TNC: variants seen among roughly 807,000 people sequenced by gnomAD.
TNC encodes tenascin C.
A neutral mutation model predicts 202.4 loss-of-function variants in TNC; 109 were observed. That is an observed-to-expected ratio of 0.54 (90% CI 0.46 to 0.63). The LOEUF is 0.63. Ranked by LOEUF, TNC falls within the 30% of genes least tolerant of loss-of-function variation. TNC has a pLI of 0.00. For missense variants in TNC, 2,756 were observed against 2,833.3 expected (o/e 0.97, Z 0.62); for synonymous variants, 1,007 against 1,089.7 (o/e 0.92, Z 1.50).
intron 22 of TNC, among the ~76,000 whole-genome samples, chr9:115,032,434 G>A (rs1830020031): frequency 1.3e-5 from 2 of 152,206 alleles, no homozygotes; most frequent in African/African-American, 4.8e-5. Flanking sequence ...CATAAACCAA[G>A]CTGTGCTTTA....
chr9:115,066,195 C>T (rs548533659), intron 10 of TNC, among the ~76,000 whole-genome samples: 6 of 152,216 alleles, frequency 3.9e-5, no homozygotes, highest in East Asian at 1.9e-4. Flanking sequence ...TCATTCATCT[C>T]GCGAATGCAC....
At chr9:115,107,444 T>C (rs924546582) in intron 1 of TNC, among the ~76,000 whole-genome samples, 3 of 152,188 alleles carry the variant, frequency 2.0e-5, no homozygotes, top group Non-Finnish European at 2.9e-5. Context: ...TAAATACAGA[T>C]TGAATTGAAC....
chr9:115,085,777 T>TTA (rs760805553), intron 3 of TNC, 87 bp downstream of exon 3: 130 of 1,221,844 alleles, frequency 1.1e-4, no homozygotes, highest in Non-Finnish European at 1.4e-4. Flanking sequence ...GCATGAATGT[T>TTA]TATATATATA....
In TNC at chr9:115,104,699, T is replaced by C. The variant is rs184915490; in HGVS notation, c.-137+13283A>G. ...TAGTATATCTTCTCCTCTTCTTTCC[T>C]TTTCCTGTCTCCCTTTATGAGAGAG... On this transcript the variant is annotated intron_variant, in intron 1 of 27. Coordinates refer to ENST00000350763, the MANE Select transcript of TNC (RefSeq NM_002160.4). 3.8e-3 allele frequency among the ~76,000 whole-genome samples: 583 copies of C among 152,342 alleles called. 2 individuals carry two copies. The highest frequency in any genetic ancestry group is 0.013 in the African/African-American group (557 of 41,584).
chr9:115,069,330 G>T (rs1833182275), intron 10 of TNC, among the ~76,000 whole-genome samples: 1 of 152,064 alleles, frequency 6.6e-6, no homozygotes, highest in Non-Finnish European at 1.5e-5. Flanking sequence ...CTTATGGCAT[G>T]CAGCAAATTC....
chr9:115,028,924 GAAAAAAAAAAAAAAAAAA>G lies in TNC; in HGVS notation c.6169+418_6169+435del, dbSNP rs57737243. 2.7e-3 allele frequency among the ~76,000 whole-genome samples: 172 copies of G among 63,952 alleles called. 1 individual carries two copies. The highest frequency in any genetic ancestry group is 9.3e-3 in the African/African-American group (146 of 15,662). The allele number at this position is 63,952 out of a possible 152,430, so 42.0% of individuals were successfully genotyped here. On this transcript the variant is annotated intron_variant, in intron 25 of 27. Coordinates refer to ENST00000350763, the MANE Select transcript of TNC (RefSeq NM_002160.4). ...TACTAAAGCTCTCAACATTATCTCT[GAAAAAAAAAAAAAAAAAA>G]AAAAAAAAAAAAAAAAAAAAGAAAG...
chr9:115,049,036 G>C (rs1537017), intron 15 of TNC, among the ~76,000 whole-genome samples: 119,151 of 151,862 alleles, frequency 0.78, 47,337 homozygotes, highest in African/African-American at 0.92. Context: ...CAATTAGTGA[G>C]ATATCCTCAC....
chr9:115,076,603 G>C (rs1185080405), intron 7 of TNC, 28 bp from the exon 8 acceptor site: 3 of 1,610,172 alleles, frequency 1.9e-6, no homozygotes, highest in South Asian at 1.1e-5. Context: ...CATTTGTATT[G>C]AACATATCAG....
At position 115,090,950 on chromosome 9, in the gene TNC, C is replaced by T; in HGVS notation, c.69G>A (p.Gly23=). The T allele has an allele frequency of 6.2e-7, 1 of 1,614,110 alleles. No individual in the cohort carries two copies. ...LAFLALATEG[G]VLKKVIRHKR... is the part of the protein sequence containing the mutation. Reference sequence around the variant, plus strand: ...TGTGCCGGATGACTTTCTTGAGGACCCCACCTTCGGTAGCGAGGGCAAGGA... The same window carrying T: ...TGTGCCGGATGACTTTCTTGAGGACTCCACCTTCGGTAGCGAGGGCAAGGA... Residue 23 remains glycine (G), a synonymous_variant, in exon 2 of 28, where the codon GGG becomes GGA. Coordinates refer to ENST00000350763, the MANE Select transcript of TNC (RefSeq NM_002160.4).
intron 2 of TNC, 103 bp from the exon 3 acceptor site, chr9:115,087,376 A>T: frequency 8.5e-7 from 1 of 1,173,778 alleles, no homozygotes; most frequent in Admixed American, 2.3e-5. Context: ...GGACGGTTGC[A>T]CCCTCAGGCT....
chr9:115,113,118 T>C (rs1837208349), intron 1 of TNC, among the ~76,000 whole-genome samples: 1 of 152,040 alleles, frequency 6.6e-6, no homozygotes, highest in Admixed American at 6.6e-5. Flanking sequence ...AAGCTGGAGA[T>C]AGCAAAATTA....
chr9:115,052,592 C>A, intron 15 of TNC: 1 of 583,550 alleles, frequency 1.7e-6, no homozygotes, highest in South Asian at 2.1e-5. Context: ...ACACTATTCT[C>A]CATAAATATA....
Position 115,041,979 on chromosome 9 carries a change from G to T in TNC, c.5248+240C>A, listed in dbSNP as rs544815078. 2.6e-5 allele frequency among the ~76,000 whole-genome samples: 4 copies of T among 152,318 alleles called. No individual in the cohort carries two copies. The East Asian group carries it at 5.8e-4, about 22-fold the overall frequency. On this transcript the variant is annotated intron_variant, in intron 18 of 27. Coordinates refer to ENST00000350763, the MANE Select transcript of TNC (RefSeq NM_002160.4). ...CAATACTAGAGATCTATTTCTCATA[G>T]AATTTTATAATTTCAAGGTTAAAAA...
In TNC at chr9:115,021,278, A is replaced by C. The variant is rs766546438; in HGVS notation, c.6496-11T>G. 1 of 1,600,970 alleles carries C rather than the reference A, an allele frequency of 6.2e-7. No individual in the cohort carries two copies. Among genetic ancestry groups the C allele is most frequent in the African/African-American group, 1.4e-5 (1 of 73,986 alleles). ...GAACCAGTTAACGCCCTGTTAAAAAAAAAAAAGAGAGAGAGAGAGAGAGAG... is the reference window on the plus strand; with the variant it reads ...GAACCAGTTAACGCCCTGTTAAAAACAAAAAAGAGAGAGAGAGAGAGAGAG... On this transcript the variant is annotated splice_polypyrimidine_tract_variant and intron_variant, in intron 27 of 27. Transcript: ENST00000350763.
rs976617157 is a variant in TNC, at chr9:115,048,639, T to C, written c.4580-107A>G. 3.5e-6 allele frequency: 4 copies of C among 1,136,916 alleles called. No individual in the cohort carries two copies. In the African/African-American group the frequency reaches 4.6e-5, roughly 13 times the overall value. 70.4% of individuals were successfully genotyped at this position (1,136,916 alleles called of 1,614,324 possible). The stretch of plus-strand genomic sequence containing the variant: ...TAGATACCCAAGTCCATCATTCAAT[T>C]TGTGTTATATGCTTAGAAAATGAAA... On this transcript the variant is annotated intron_variant, in intron 15 of 27. Transcript: ENST00000350763.
intron 1 of TNC, among the ~76,000 whole-genome samples, chr9:115,100,510 C>T (rs1417843223): frequency 6.6e-6 from 1 of 152,220 alleles, no homozygotes; most frequent in Non-Finnish European, 1.5e-5. Context: ...CCCAGAGTCA[C>T]TAGCTAATCA....
intron 15 of TNC, among the ~76,000 whole-genome samples, chr9:115,051,511 G>T (rs537911877): frequency 2.7e-5 from 4 of 147,562 alleles, no homozygotes; most frequent in African/African-American, 1.0e-4. Flanking sequence ...CTCTTTTCTA[G>T]GTGATTTTTC....
intron 10 of TNC, among the ~76,000 whole-genome samples, chr9:115,071,239 A>G (rs1537013): frequency 0.27 from 41,159 of 152,156 alleles, 5,929 homozygotes; most frequent in African/African-American, 0.37. Context: ...AATGAAACAT[A>G]TATATTTTTT....
rs1306590105 is a variant in TNC, at chr9:115,030,359, C to T, written c.5967G>A (p.Leu1989=). The T allele has an allele frequency of 6.2e-7, 1 of 1,613,304 alleles. No homozygotes were observed. The highest frequency in any genetic ancestry group is 2.2e-5 in the East Asian group (1 of 44,876). Residue 1989 remains leucine (L), a synonymous_variant, in exon 24 of 28, where the codon CTG becomes CTA. Transcript: ENST00000350763. Reference sequence around the variant, plus strand: ...AGAGGCCAGAGGTCGTGTCTCCATTCAGCATTGCTTGGGAGCAGTCCTTGG... The same window carrying T: ...AGAGGCCAGAGGTCGTGTCTCCATTTAGCATTGCTTGGGAGCAGTCCTTGG... ...PFPKDCSQAM[L]NGDTTSGLYT... is the part of the protein sequence containing the mutation.
Sources: gnomAD v4.1 joint callset for allele counts (sites outside exome capture counted in the v4.1 genomes callset) on GRCh38, gnomAD v4.1.1 for gene constraint, MANE v1.5 for transcripts, NCBI Gene and HGNC (gene_info 2026-07-23, HGNC 2026-07-21) for gene names.